Variants in ARHGAP32 observed in about 807,000 individuals in gnomAD.
The protein encoded by ARHGAP32 is rho GTPase-activating protein 32.
In ARHGAP32, 51 loss-of-function variants were observed where a neutral mutation model predicts 186.5. The observed-to-expected ratio is 0.27, with a 90% CI of 0.22 to 0.35. ARHGAP32 has a LOEUF of 0.35. Ranked by LOEUF, ARHGAP32 falls within the 10% of genes least tolerant of loss-of-function variation. The pLI is 1.00. For missense variants in ARHGAP32, 2,186 were observed against 2,623.5 expected (o/e 0.83, Z 3.64); for synonymous variants, 950 against 964.3 (o/e 0.99, Z 0.27).
intron 11 of ARHGAP32, among the ~76,000 whole-genome samples, chr11:129,000,655 T>A (rs1287509229): frequency 6.6e-6 from 1 of 152,214 alleles, no homozygotes; most frequent in Non-Finnish European, 1.5e-5. Context: ...TTTTTTAATG[T>A]ACGTTTAAAT....
intron 2 of ARHGAP32, among the ~76,000 whole-genome samples, chr11:129,137,332 T>C (rs1295755882): frequency 1.3e-5 from 2 of 152,042 alleles, no homozygotes; most frequent in African/African-American, 4.8e-5. Context: ...AGTTTTGTAG[T>C]TCAGATTTTG....
At chr11:129,105,735 G>A (rs753065725) in intron 5 of ARHGAP32, among the ~76,000 whole-genome samples, 1 of 152,032 alleles carries the variant, frequency 6.6e-6, no homozygotes, top group Non-Finnish European at 1.5e-5. Context: ...TGCCACACAA[G>A]CCACAAGTTA....
intron 20 of ARHGAP32, among the ~76,000 whole-genome samples, chr11:128,975,534 T>TA (rs1442230412): frequency 6.6e-6 from 1 of 152,170 alleles, no homozygotes; most frequent in Non-Finnish European, 1.5e-5. Flanking sequence ...ATATATTTAG[T>TA]AAAAAATTCC....
intron 2 of ARHGAP32, among the ~76,000 whole-genome samples, chr11:129,131,939 AATTTTT>A (rs753201622): frequency 2.0e-5 from 3 of 152,036 alleles, no homozygotes; most frequent in Non-Finnish European, 2.9e-5. Flanking sequence ...TTTTGTTTTT[AATTTTT>A]ATTTTTAAGT....
intron 11 of ARHGAP32, among the ~76,000 whole-genome samples, chr11:129,039,002 GA>G (rs1433767559): frequency 6.6e-6 from 1 of 151,526 alleles, no homozygotes; most frequent in Non-Finnish European, 1.5e-5. Context: ...GACTAAACAT[GA>G]TTAGCCAAAA....
chr11:129,157,424 G>A (rs574357834), intron 2 of ARHGAP32, among the ~76,000 whole-genome samples: 12 of 151,934 alleles, frequency 7.9e-5, no homozygotes, highest in South Asian at 2.1e-4. Flanking sequence ...CAAGAACATC[G>A]TGAAGCTTAC....
chr11:129,125,958 C>T, intron 2 of ARHGAP32: 1 of 431,404 alleles, frequency 2.3e-6, no homozygotes, highest in South Asian at 1.7e-5. Flanking sequence ...CTTGCGGCTA[C>T]CACACGGATT....
chr11:128,969,953 T>C lies in ARHGAP32; in HGVS notation c.5260A>G (p.Thr1754Ala). The change falls in exon 23 of 23, where the codon ACC (threonine) becomes GCC (alanine). Residue 1754 changes from threonine (T) to alanine (A), a missense_variant. Around this residue, in one of 5 missense-constraint regions of ARHGAP32, gnomAD observed 1,502 missense variants for 1,570.0 expected, o/e 0.96. Transcript: ENST00000682385. This position sits in a 1 kb window ranked among gnomAD's most constrained non-coding sequence, Gnocchi z 4.8. Reference sequence around the variant, plus strand: ...TCCATGTCCTCAAGATCCCATGAGGTGTAGGTGTGCTTCACATCAGCAGCC... The same window carrying C: ...TCCATGTCCTCAAGATCCCATGAGGCGTAGGTGTGCTTCACATCAGCAGCC... Reference protein sequence around the residue: ...PPAADVKHTYTSWDLEDMEKY... With the variant: ...PPAADVKHTYASWDLEDMEKY... The C allele has an allele frequency of 6.2e-7, 1 of 1,614,138 alleles. No homozygotes were observed. Among genetic ancestry groups the C allele is most frequent in the Non-Finnish European group, 8.5e-7 (1 of 1,180,024 alleles).
intron 6 of ARHGAP32, among the ~76,000 whole-genome samples, chr11:129,067,388 C>T (rs1940728677): frequency 2.0e-5 from 3 of 152,106 alleles, no homozygotes; most frequent in Non-Finnish European, 4.4e-5. Flanking sequence ...GCCTTCCTTT[C>T]TTTGCCCAAT....
At chr11:129,189,628 C>T (rs919739144) in intron 1 of ARHGAP32, among the ~76,000 whole-genome samples, 11 of 151,958 alleles carry the variant, frequency 7.2e-5, no homozygotes, top group African/African-American at 1.7e-4. Flanking sequence ...GTAATAATAC[C>T]GACTACAAAT....
chr11:129,136,733 G>A (rs1942943937), intron 2 of ARHGAP32, among the ~76,000 whole-genome samples: 1 of 151,820 alleles, frequency 6.6e-6, no homozygotes, highest in African/African-American at 2.4e-5. Flanking sequence ...TTAAAATGAG[G>A]AAAAAGCATT....
intron 5 of ARHGAP32, among the ~76,000 whole-genome samples, chr11:129,095,720 G>T (rs1194267238): frequency 2.0e-5 from 3 of 152,212 alleles, no homozygotes; most frequent in Non-Finnish European, 4.4e-5. Flanking sequence ...CAAAGCTCTT[G>T]CATAGGGCAA....
intron 2 of ARHGAP32, among the ~76,000 whole-genome samples, chr11:129,126,461 T>G (rs1432486425): frequency 2.0e-5 from 3 of 152,226 alleles, no homozygotes; most frequent in Non-Finnish European, 4.4e-5. Context: ...TTAAAAAGCT[T>G]GGAGACACCA....
At chr11:129,078,020 A>C (rs1054821587) in intron 6 of ARHGAP32, among the ~76,000 whole-genome samples, 1 of 152,172 alleles carries the variant, frequency 6.6e-6, no homozygotes, top group Non-Finnish European at 1.5e-5. Flanking sequence ...GCATTCAAAA[A>C]ACCCAGTATG....
intron 5 of ARHGAP32, among the ~76,000 whole-genome samples, chr11:129,101,314 T>C (rs1381297569): frequency 2.0e-5 from 3 of 152,206 alleles, no homozygotes; most frequent in African/African-American, 7.2e-5. Context: ...GTGCCTTCTA[T>C]TCTCCAAACA....
At chr11:129,232,319 C>G (rs1469543696) in intron 1 of ARHGAP32, among the ~76,000 whole-genome samples, 2 of 152,126 alleles carry the variant, frequency 1.3e-5, no homozygotes, top group Non-Finnish European at 2.9e-5. Flanking sequence ...CCAAGAAAAG[C>G]ACCTGAGTGA....
intron 2 of ARHGAP32, among the ~76,000 whole-genome samples, chr11:129,131,329 G>A (rs1372404455): frequency 6.6e-6 from 1 of 152,016 alleles, no homozygotes; most frequent in South Asian, 2.1e-4. Context: ...AAAAGGTCAA[G>A]AGGAATTTTT....
intron 1 of ARHGAP32, among the ~76,000 whole-genome samples, chr11:129,218,217 A>G (rs11221609): frequency 2.6e-5 from 4 of 152,346 alleles, no homozygotes; most frequent in African/African-American, 7.2e-5. Context: ...TCTGTTTATT[A>G]TAAAGCTGAT....
In ARHGAP32 at chr11:128,986,969, G is replaced by A. The variant is rs148384042; in HGVS notation, c.1299-301C>T. Among the ~76,000 whole-genome samples the A allele has an allele frequency of 3.4e-3, 523 of 152,230 alleles. 4 individuals carry two copies. The highest frequency in any genetic ancestry group is 0.012 in the African/African-American group (497 of 41,548). On this transcript the variant is annotated intron_variant, in intron 13 of 22. Transcript: ENST00000682385. ...TTATAGTACAACAGTCTGAAAACAG[G>A]ACTCCTAATTGCTAATGACTTGAAT... is the stretch of plus-strand genomic sequence containing the variant.
Sources: gnomAD v4.1 joint callset for allele counts (sites outside exome capture counted in the v4.1 genomes callset) on GRCh38, gnomAD v4.1.1 for gene constraint, gnomAD v4.1.1 regional missense constraint, Gnocchi (gnomAD v3.1) non-coding constraint, MANE v1.5 for transcripts, NCBI Gene and HGNC (gene_info 2026-07-23, HGNC 2026-07-21) for gene names.